ARAP3: variants seen among roughly 807,000 people sequenced by gnomAD.
ARAP3 encodes ArfGAP with RhoGAP domain, ankyrin repeat and PH domain 3.
A neutral mutation model predicts 169.2 loss-of-function variants in ARAP3; 82 were observed. The observed-to-expected ratio is 0.48, with a 90% CI of 0.41 to 0.58. ARAP3 has a LOEUF of 0.58. ARAP3 is among the 20% of genes least tolerant of loss of function. The pLI is 0.00. For missense variants in ARAP3, 1,764 were observed against 2,018.0 expected, an observed-to-expected ratio of 0.87 and a Z score of 2.41; for synonymous variants, 791 against 800.3, an observed-to-expected ratio of 0.99 and a Z score of 0.20.
chr5:141,675,833 A>C (rs2099912110), intron 4 of ARAP3, among the ~76,000 whole-genome samples: 1 of 152,102 alleles, frequency 6.6e-6, no homozygotes, highest in African/African-American at 2.4e-5. Flanking sequence ...AAGAACCCCC[A>C]CAGACTCCCA....
Position 141,654,317 on chromosome 5 carries a change from G to C in ARAP3, c.4268C>G (p.Thr1423Ser). Residue 1423 changes from threonine (T) to serine (S), a missense_variant, in exon 33 of 33, where the codon ACC (threonine) becomes AGC (serine). Physicochemically the swap from Thr to Ser is moderately conservative, Grantham distance 58 (BLOSUM62 1). Transcript: ENST00000239440. ...AFPELIQDTS[T>S]SFSTTREWTV... is the part of the protein sequence containing the mutation. Reference sequence around the variant, plus strand: ...CCACTCCCGTGTGGTGGAGAAGGAGGTAGAAGTGTCCTGGATCAACTCAGG... The same window carrying C: ...CCACTCCCGTGTGGTGGAGAAGGAGCTAGAAGTGTCCTGGATCAACTCAGG... 6.2e-7 allele frequency: 1 copy of C among 1,614,152 alleles called. No homozygotes were observed. The highest frequency in any genetic ancestry group is 1.1e-5 in the South Asian group (1 of 91,092).
rs763242488 is a variant in ARAP3, at chr5:141,655,604, A to C, written c.4110+17T>G. ...TACACGACAGGAATCGGGTTGGGGC[A>C]GGGTGGGGTGCCTTACCAGGGTCTG... On this transcript the variant is annotated intron_variant, in intron 31 of 32. Coordinates refer to ENST00000239440, the MANE Select transcript of ARAP3 (RefSeq NM_022481.6). 6.3e-7 allele frequency: 1 copy of C among 1,584,162 alleles called. No individual in the cohort carries two copies. The highest frequency in any genetic ancestry group is 2.3e-5 in the East Asian group (1 of 42,730).
chr5:141,670,101 C>T, intron 14 of ARAP3, 38 bp from the exon 15 acceptor site: 1 of 1,576,512 alleles, frequency 6.3e-7, no homozygotes, highest in Non-Finnish European at 8.5e-7. Flanking sequence ...CAGCAGACCT[C>T]TGCCCCCACT....
intron 32 of ARAP3, 141 bp downstream of exon 32, chr5:141,655,221 G>T: frequency 2.7e-6 from 1 of 374,256 alleles, no homozygotes; most frequent in South Asian, 3.2e-5. Context: ...ACACCCTGAT[G>T]GCCTACACAC....
At chr5:141,658,308 CACA>C in intron 25 of ARAP3, 54 bp downstream of exon 25, 1 of 1,567,846 alleles carries the variant, frequency 6.4e-7, no homozygotes, top group South Asian at 1.1e-5. Context: ...ACCTTGACCA[CACA>C]ACCACACACA....
intron 27 of ARAP3, 86 bp downstream of exon 27, chr5:141,656,418 T>A (rs1181427147): frequency 3.2e-6 from 5 of 1,582,164 alleles, no homozygotes; most frequent in Non-Finnish European, 4.3e-6. Context: ...GATGAGAGTA[T>A]GGGCTGTGGA....
chr5:141,670,860 A>C (rs1596488778), intron 13 of ARAP3, among the ~76,000 whole-genome samples: 1 of 152,192 alleles, frequency 6.6e-6, no homozygotes. Flanking sequence ...GCCTCTCCCT[A>C]CCAGCCAGCC....
intron 16 of ARAP3, among the ~76,000 whole-genome samples, chr5:141,669,175 C>T (rs1175697138): frequency 6.6e-6 from 1 of 152,118 alleles, no homozygotes; most frequent in East Asian, 1.9e-4. Flanking sequence ...AGAGTTGTGA[C>T]TCAAATCCCA....
intron 16 of ARAP3, among the ~76,000 whole-genome samples, chr5:141,669,230 A>C (rs1360390665): frequency 1.3e-5 from 2 of 152,212 alleles, no homozygotes; most frequent in African/African-American, 4.8e-5. Flanking sequence ...TGGGAATGGC[A>C]TACAGGAGAG....
In ARAP3 at chr5:141,673,589, C is replaced by T. The variant is rs1173727637; in HGVS notation, c.902+16G>A. The T allele has an allele frequency of 2.5e-6, 4 of 1,612,716 alleles. No individual in the cohort carries two copies. The East Asian group carries it at 8.9e-5, about 36-fold the overall frequency. On this transcript the variant is annotated intron_variant, in intron 5 of 32. Transcript: ENST00000239440. ...CAGCCTCTCTTTTCTCCCTCCCTTC[C>T]CCTCCCAGCACCCACCCCTGAGGGG...
Position 141,668,476 on chromosome 5 carries a change from A to G in ARAP3, c.2352+1233T>C, listed in dbSNP as rs191026437. Among the ~76,000 whole-genome samples, 174 of 152,334 alleles carry G rather than the reference A, an allele frequency of 1.1e-3. 2 individuals carry two copies. The highest frequency in any genetic ancestry group is 3.7e-3 in the African/African-American group (152 of 41,578). On this transcript the variant is annotated intron_variant, in intron 16 of 32. Coordinates refer to ENST00000239440, the MANE Select transcript of ARAP3 (RefSeq NM_022481.6). ...AAAATATTCTAAATGCTTACTCTCAAGTTCTGTGCTTATCCTGTCATGGAC... is the reference window on the plus strand; with the variant it reads ...AAAATATTCTAAATGCTTACTCTCAGGTTCTGTGCTTATCCTGTCATGGAC...
intron 32 of ARAP3, among the ~76,000 whole-genome samples, chr5:141,654,839 A>C (rs2099908998): frequency 6.6e-6 from 1 of 151,632 alleles, no homozygotes; most frequent in African/African-American, 2.4e-5. Flanking sequence ...TCCCAGGTTC[A>C]AGTGATTCTC....
rs141812903 is a variant in ARAP3, at chr5:141,680,187, G to A, written c.300C>T (p.Thr100=). 21 of 1,609,274 alleles carry A rather than the reference G, an allele frequency of 1.3e-5. No homozygotes were observed. The highest frequency in any genetic ancestry group is 6.7e-5 in the African/African-American group (5 of 74,932). ...CAGGGCCACTGAGTCCACCAAACAC[G>A]GTCCTGGGCTTCGGCACGGGCTTAG... is the stretch of plus-strand genomic sequence containing the variant. ...QPPKPVPKPR[T]VFGGLSGPAT... is the part of the protein sequence containing the mutation. The change falls in exon 2 of 33, where the codon ACC becomes ACT. Residue 100 remains threonine (T), a synonymous_variant. Transcript: ENST00000239440.
intron 21 of ARAP3, 75 bp from the exon 22 acceptor site, chr5:141,660,001 C>A: frequency 6.7e-7 from 1 of 1,486,432 alleles, no homozygotes; most frequent in South Asian, 1.3e-5. Flanking sequence ...CTATTGTATG[C>A]CTGGGCTAAG....
chr5:141,673,723 T>C lies in ARAP3; in HGVS notation c.784A>G (p.Thr262Ala). 1 of 1,614,108 alleles carries C rather than the reference T, an allele frequency of 6.2e-7. No homozygotes were observed. The highest frequency in any genetic ancestry group is 8.5e-7 in the Non-Finnish European group (1 of 1,180,016). The part of the protein sequence containing the change: ...LPGDSTLLSP[T>A]LETEETSDDL... Reference sequence around the variant, plus strand: ...TCACTGGTCTCCTCTGTTTCCAGGGTGGGCGATAAGAGGGTGGAGTCTCCA... The same window carrying C: ...TCACTGGTCTCCTCTGTTTCCAGGGCGGGCGATAAGAGGGTGGAGTCTCCA... Residue 262 changes from threonine (T) to alanine (A), a missense_variant, in exon 5 of 33, where the codon ACC becomes GCC. By Grantham distance (58) the Thr-to-Ala change is moderately conservative (BLOSUM62 0). Around this residue, in one of 3 missense-constraint regions of ARAP3, gnomAD observed 630 missense variants for 678.7 expected, o/e 0.93. Coordinates refer to ENST00000239440, the MANE Select transcript of ARAP3 (RefSeq NM_022481.6).
In ARAP3 at chr5:141,669,750, C is replaced by T. The variant is rs183167137; in HGVS notation, c.2311G>A (p.Gly771Arg). 2 of 1,614,128 alleles carry T rather than the reference C, an allele frequency of 1.2e-6. No individual in the cohort carries two copies. The highest frequency in any genetic ancestry group is 2.2e-5 in the East Asian group (1 of 44,882). The change falls in exon 16 of 33, where the codon GGA becomes AGA. Residue 771 changes from glycine (G) to arginine (R), a missense_variant. Transcript: ENST00000239440. ...GTCCAGGCCTCCAGACTGTCAGCTC[C>T]ATCTGTGCCAAAATGCTGGATCCTC... ...GGRIQHFGTD[G>R]ADSLEAWTSA...
chr5:141,680,599 T>A, intron 1 of ARAP3, 96 bp from the exon 2 acceptor site: 2 of 1,433,736 alleles, frequency 1.4e-6, no homozygotes, highest in Non-Finnish European at 1.8e-6. Context: ...CAGCCTCCAA[T>A]CTTCCTCCAA....
Position 141,656,259 on chromosome 5 carries a change from C to G in ARAP3, c.3807G>C (p.Arg1269=), listed in dbSNP as rs150555451. 86 of 1,614,000 alleles carry G rather than the reference C, an allele frequency of 5.3e-5. No individual in the cohort carries two copies. The highest frequency in any genetic ancestry group is 6.8e-5 in the Non-Finnish European group (80 of 1,180,040). ...CCTTGGCACCTTCCAAAGGCCACTC[C>G]CGTTCTGGTTTAGAGCTCTGAGAAC... ...LKEKKSSKPE[R]EWPLEGAKVY... is the part of the protein sequence containing the mutation. Residue 1269 remains arginine (R), a synonymous_variant, in exon 28 of 33, where the codon CGG becomes CGC. Coordinates refer to ENST00000239440, the MANE Select transcript of ARAP3 (RefSeq NM_022481.6).
Position 141,673,145 on chromosome 5 carries a change from G to C in ARAP3, c.973-12C>G, listed in dbSNP as rs758894863. ...TTAGGGAAGGGGTCCTGGAGAGAGAGAGCTCAATGACCCATGAGGACAGGA... is the reference window on the plus strand; with the variant it reads ...TTAGGGAAGGGGTCCTGGAGAGAGACAGCTCAATGACCCATGAGGACAGGA... On this transcript the variant is annotated splice_polypyrimidine_tract_variant and intron_variant, in intron 6 of 32. Coordinates refer to ENST00000239440, the MANE Select transcript of ARAP3 (RefSeq NM_022481.6). 1.2e-6 allele frequency: 2 copies of C among 1,614,124 alleles called. No homozygotes were observed. Among genetic ancestry groups the C allele is most frequent in the Non-Finnish European group, 1.7e-6 (2 of 1,180,000 alleles).
Sources: gnomAD v4.1 joint callset for allele counts (sites outside exome capture counted in the v4.1 genomes callset) on GRCh38, gnomAD v4.1.1 for gene constraint, gnomAD v4.1.1 regional missense constraint, MANE v1.5 for transcripts, NCBI Gene and HGNC (gene_info 2026-07-23, HGNC 2026-07-21) for gene names.